The following GRIN2B variants were observed in gnomAD, a reference collection of about 807,000 sequenced individuals.
GRIN2B encodes the protein glutamate ionotropic receptor NMDA type subunit 2B.
Under a neutral mutation model 114.5 loss-of-function variants are expected in GRIN2B, and 5 were observed. The observed-to-expected ratio is 0.04, with a 90% CI of 0.02 to 0.09. The LOEUF is 0.09. GRIN2B is among the 10% of genes least tolerant of loss of function. GRIN2B has a pLI of 1.00. For synonymous variants in GRIN2B, 787 were observed against 745.1 expected, an observed-to-expected ratio of 1.06 and a Z score of -0.92; for missense variants, 1,108 against 1,943.5, an observed-to-expected ratio of 0.57 and a Z score of 8.08.
At chr12:13,653,807 T>C (rs1276607466) in intron 5 of GRIN2B, among the ~76,000 whole-genome samples, 1 of 152,122 alleles carries the variant, frequency 6.6e-6, no homozygotes, top group African/African-American at 2.4e-5. Context: ...ACATCCACTA[T>C]TTCACATAAG....
intron 3 of GRIN2B, among the ~76,000 whole-genome samples, chr12:13,811,691 A>T (rs1392811793): frequency 1.3e-5 from 2 of 152,240 alleles, no homozygotes; most frequent in Non-Finnish European, 2.9e-5. Flanking sequence ...TGCAACAGGC[A>T]TTTCCTGCAT....
chr12:13,611,879 G>A lies in GRIN2B; in HGVS notation c.1655-29C>T, dbSNP rs776598266. ...AGGAAGGGAAAAAAGCAGTGCTCAG[G>A]GTTAGAACAGAGAGCAAAAGAATTC... On this transcript the variant is annotated intron_variant, in intron 8 of 13. Transcript: ENST00000609686. The A allele has an allele frequency of 3.1e-6, 5 of 1,609,620 alleles. No homozygotes were observed. The Admixed American group carries it at 6.7e-5, about 21-fold the overall frequency.
At chr12:13,574,309 T>A (rs1340124301) in intron 10 of GRIN2B, among the ~76,000 whole-genome samples, 3 of 152,262 alleles carry the variant, frequency 2.0e-5, no homozygotes, top group Admixed American at 6.5e-5. Context: ...ACACTTCAGA[T>A]GTTTGAAGAA....
At chr12:13,577,444 A>C (rs562513425) in intron 10 of GRIN2B, among the ~76,000 whole-genome samples, 28 of 152,194 alleles carry the variant, frequency 1.8e-4, no homozygotes, top group Non-Finnish European at 3.7e-4. Flanking sequence ...AAGGTGCTCA[A>C]GGGCCAGGAG....
At chr12:13,650,582 T>G (rs1448397520) in intron 5 of GRIN2B, among the ~76,000 whole-genome samples, 1 of 152,070 alleles carries the variant, frequency 6.6e-6, no homozygotes. Context: ...CAAGAAATTA[T>G]ATCCCATGAA....
At chr12:13,791,730 G>T (rs1436645321) in intron 3 of GRIN2B, among the ~76,000 whole-genome samples, 1 of 152,048 alleles carries the variant, frequency 6.6e-6, no homozygotes, top group Admixed American at 6.5e-5. Context: ...TAAGGGTACA[G>T]GTGATACATT....
At chr12:13,856,462 G>A (rs1865662409) in intron 3 of GRIN2B, among the ~76,000 whole-genome samples, 1 of 152,128 alleles carries the variant, frequency 6.6e-6, no homozygotes, top group African/African-American at 2.4e-5. Flanking sequence ...CAGCCCTTGG[G>A]TCACTGCAGC....
intron 4 of GRIN2B, among the ~76,000 whole-genome samples, chr12:13,719,109 C>T (rs895328862): frequency 7.2e-5 from 11 of 151,998 alleles, no homozygotes; most frequent in South Asian, 4.1e-4. Flanking sequence ...CTCATCACCA[C>T]GCACTCTCTT....
At chr12:13,758,998 ATTTTTTTTTTT>A (rs5796560) in intron 3 of GRIN2B, among the ~76,000 whole-genome samples, 1 of 85,624 alleles carries the variant, frequency 1.2e-5, no homozygotes, top group Non-Finnish European at 2.2e-5. Flanking sequence ...ATCTAGTTCA[ATTTTTTTTTTT>A]TTTTTTTTTT....
intron 3 of GRIN2B, among the ~76,000 whole-genome samples, chr12:13,847,388 C>T (rs1168001944): frequency 6.6e-6 from 1 of 152,032 alleles, no homozygotes; most frequent in African/African-American, 2.4e-5. Context: ...CCTTGGGTGG[C>T]CTCATTACAT....
At chr12:13,959,820 C>T (rs2136859890) in intron 2 of GRIN2B, among the ~76,000 whole-genome samples, 1 of 147,808 alleles carries the variant, frequency 6.8e-6, no homozygotes, top group African/African-American at 2.5e-5. Flanking sequence ...GAGAACATGC[C>T]AGGAGAGATT....
intron 5 of GRIN2B, among the ~76,000 whole-genome samples, chr12:13,635,260 G>T (rs1290118096): frequency 6.6e-6 from 1 of 152,202 alleles, no homozygotes; most frequent in Non-Finnish European, 1.5e-5. Context: ...CTGAGAAGGG[G>T]AGATGGTGAA....
rs991677003 is a variant in GRIN2B, at chr12:13,694,971, G to A, written c.1011-19112C>T. ...CTTCATAAGACTTGAGGCTATGTGT[G>A]CTCCTACTTTAGAAGTGACAGACTC... is the stretch of plus-strand genomic sequence containing the variant. On this transcript the variant is annotated intron_variant, in intron 4 of 13. Transcript: ENST00000609686. Among the ~76,000 whole-genome samples the A allele has an allele frequency of 5.9e-5, 9 of 151,878 alleles. No homozygotes were observed. In the East Asian group the frequency reaches 1.4e-3, roughly 23 times the overall value.
At chr12:13,596,137 G>C (rs914091671) in intron 10 of GRIN2B, among the ~76,000 whole-genome samples, 24 of 151,952 alleles carry the variant, frequency 1.6e-4, no homozygotes, top group African/African-American at 5.8e-4. Context: ...ATTTGTATTT[G>C]AGGCCACTCA....
intron 2 of GRIN2B, among the ~76,000 whole-genome samples, chr12:13,891,268 G>A (rs1194270569): frequency 2.0e-5 from 3 of 151,994 alleles, no homozygotes; most frequent in Non-Finnish European, 4.4e-5. Context: ...CTTTTAATGG[G>A]ACTGTGATTC....
At chr12:13,583,249 A>G (rs977857225) in intron 10 of GRIN2B, among the ~76,000 whole-genome samples, 3 of 152,206 alleles carry the variant, frequency 2.0e-5, no homozygotes, top group South Asian at 2.1e-4. Flanking sequence ...AATGATGATG[A>G]TAATTATATA....
intron 2 of GRIN2B, among the ~76,000 whole-genome samples, chr12:13,881,886 G>A (rs1346229685): frequency 3.3e-5 from 5 of 152,110 alleles, no homozygotes; most frequent in Non-Finnish European, 5.9e-5. Context: ...TAGTGATGTG[G>A]CTTGACAGGA....
chr12:13,808,613 A>G (rs1864659031), intron 3 of GRIN2B, among the ~76,000 whole-genome samples: 1 of 150,912 alleles, frequency 6.6e-6, no homozygotes, highest in Non-Finnish European at 1.5e-5. Context: ...GGAAGGGGGG[A>G]GGGATAGCTT....
At position 13,654,744 on chromosome 12, in the gene GRIN2B, G is replaced by A. The variant is rs369904517; in HGVS notation, c.1125+21001C>T. Among the ~76,000 whole-genome samples, 5 of 152,072 alleles carry A rather than the reference G, an allele frequency of 3.3e-5. No homozygotes were observed. The East Asian group carries it at 9.7e-4, about 29-fold the overall frequency. On this transcript the variant is annotated intron_variant, in intron 5 of 13. Coordinates refer to ENST00000609686, the MANE Select transcript of GRIN2B (RefSeq NM_000834.5). ...TGGTGTGTTTTGCTCTTCTCAGGTG[G>A]TATTGTCCAGATAACTCAGGTCCTG...
Sources: allele counts gnomAD v4.1 joint callset (sites outside exome capture counted in the v4.1 genomes callset), GRCh38; gene constraint gnomAD v4.1.1; transcripts MANE v1.5; gene names NCBI Gene and HGNC (gene_info 2026-07-23, HGNC 2026-07-21).